Variants in ARHGAP15 observed in about 807,000 individuals in gnomAD.
ARHGAP15 encodes the protein Rho GTPase activating protein 15, also known as rho GTPase-activating protein 15.
In ARHGAP15, 51 loss-of-function variants were observed where a neutral mutation model predicts 63.7. The ratio of observed to expected loss-of-function variants is 0.80; its 90% CI spans 0.64 to 1.01. ARHGAP15 has a LOEUF of 1.01. Among genes scored for constraint, ARHGAP15 ranks in the 50% least tolerant of loss-of-function variants. The probability of loss-of-function intolerance (pLI) is 0.00; values close to 1 mark genes in which losing one functional copy is unlikely to be tolerated. For missense variants in ARHGAP15, 560 were observed against 564.6 expected (o/e 0.99, Z 0.08); for synonymous variants, 191 against 193.8 (o/e 0.99, Z 0.12).
intron 13 of ARHGAP15, among the ~76,000 whole-genome samples, chr2:143,723,744 C>T (rs1055803111): frequency 6.6e-6 from 1 of 152,120 alleles, no homozygotes; most frequent in African/African-American, 2.4e-5. Flanking sequence ...CAGCCTTTTG[C>T]GTAGGAATGA....
intron 11 of ARHGAP15, among the ~76,000 whole-genome samples, chr2:143,573,282 A>G (rs1406438306): frequency 6.6e-6 from 1 of 152,196 alleles, no homozygotes; most frequent in Non-Finnish European, 1.5e-5. Context: ...TTAAAGTTTC[A>G]AGGACTTCTC....
chr2:143,440,098 A>G (rs1399152506), intron 8 of ARHGAP15, among the ~76,000 whole-genome samples: 1 of 151,986 alleles, frequency 6.6e-6, no homozygotes, highest in Non-Finnish European at 1.5e-5. Flanking sequence ...ATATCCATCT[A>G]TTACTTTGAA....
intron 6 of ARHGAP15, among the ~76,000 whole-genome samples, chr2:143,284,477 C>A (rs886451276): frequency 6.6e-6 from 1 of 152,108 alleles, no homozygotes. Context: ...CAATTTGTGA[C>A]CACTACGAAA....
intron 13 of ARHGAP15, among the ~76,000 whole-genome samples, chr2:143,738,926 T>A (rs1026142888): frequency 6.6e-6 from 1 of 152,120 alleles, no homozygotes; most frequent in Non-Finnish European, 1.5e-5. Context: ...GTGTCCTCAA[T>A]TGGGAGAAAA....
At chr2:143,700,438 C>T (rs1461918460) in intron 12 of ARHGAP15, among the ~76,000 whole-genome samples, 2 of 152,162 alleles carry the variant, frequency 1.3e-5, no homozygotes, top group African/African-American at 2.4e-5. Context: ...GCTGCTACTT[C>T]TGTAGCCCTC....
rs541235073 is a variant in ARHGAP15, at chr2:143,598,290, T to A, written c.1004-25843T>A. On this transcript the variant is annotated intron_variant, in intron 11 of 13. Coordinates refer to ENST00000295095, the MANE Select transcript of ARHGAP15 (RefSeq NM_018460.4). ...ATTTGTGTGGTGTAAAATAAAAGTCTAGATACGGATCAAATCTTGGTCAAA... is the reference window on the plus strand; with the variant it reads ...ATTTGTGTGGTGTAAAATAAAAGTCAAGATACGGATCAAATCTTGGTCAAA... 3.9e-5 allele frequency among the ~76,000 whole-genome samples: 6 copies of A among 152,284 alleles called. No homozygotes were observed. The South Asian group carries it at 1.2e-3, about 32-fold the overall frequency.
chr2:143,671,045 A>G (rs1682496886), intron 12 of ARHGAP15, among the ~76,000 whole-genome samples: 1 of 152,202 alleles, frequency 6.6e-6, no homozygotes, highest in Non-Finnish European at 1.5e-5. Context: ...AAATCTGCTA[A>G]TGGCATACCA....
rs572850943 is a variant in ARHGAP15, at chr2:143,735,506, C to T, written c.1244+31982C>T. 2.0e-5 allele frequency among the ~76,000 whole-genome samples: 3 copies of T among 152,296 alleles called. No individual in the cohort carries two copies. The East Asian group carries it at 5.8e-4, about 29-fold the overall frequency. On this transcript the variant is annotated intron_variant, in intron 13 of 13. Transcript: ENST00000295095. ...CCAGAATTGTATCGTATCAGCTTAG[C>T]GTACTCAGGGGCAAGTAAGCTTCTC...
chr2:143,748,366 T>C (rs1329534619), intron 13 of ARHGAP15, among the ~76,000 whole-genome samples: 1 of 152,160 alleles, frequency 6.6e-6, no homozygotes, highest in Non-Finnish European at 1.5e-5. Flanking sequence ...TGATGTCAAA[T>C]AACATTGATA....
chr2:143,557,610 G>A (rs1379264973), intron 11 of ARHGAP15, among the ~76,000 whole-genome samples: 1 of 152,042 alleles, frequency 6.6e-6, no homozygotes, highest in Non-Finnish European at 1.5e-5. Context: ...GAATCCTCAT[G>A]TAAATTATAA....
chr2:143,450,047 C>T (rs79207745), intron 8 of ARHGAP15, among the ~76,000 whole-genome samples: 2 of 137,040 alleles, frequency 1.5e-5, no homozygotes, highest in South Asian at 2.3e-4. Flanking sequence ...AATAATTAAT[C>T]TTTTTTTTTT....
rs143164811 is a variant in ARHGAP15, at chr2:143,493,771, G to A, written c.826+6276G>A. Among the ~76,000 whole-genome samples the A allele has an allele frequency of 4.7e-3, 710 of 152,108 alleles. 2 individuals are homozygous for A. Among genetic ancestry groups the A allele is most frequent in the Middle Eastern group, 0.017 (5 of 294 alleles). On this transcript the variant is annotated intron_variant, in intron 9 of 13. Coordinates refer to ENST00000295095, the MANE Select transcript of ARHGAP15 (RefSeq NM_018460.4). Reference sequence around the variant, plus strand: ...CCTCTGTGTTGGATCCACTGTCTTCGGCATCCCATGCCTTCCCTTCTATTA... The same window carrying A: ...CCTCTGTGTTGGATCCACTGTCTTCAGCATCCCATGCCTTCCCTTCTATTA...
intron 11 of ARHGAP15, chr2:143,607,922 T>G (rs1199495158): frequency 6.6e-6 from 1 of 152,186 alleles, no homozygotes; most frequent in Non-Finnish European, 1.5e-5. Context: ...GCTTAGTGAC[T>G]CTGGGGTTAG....
chr2:143,618,884 G>C (rs1160360564), intron 11 of ARHGAP15, among the ~76,000 whole-genome samples: 1 of 151,972 alleles, frequency 6.6e-6, no homozygotes, highest in African/African-American at 2.4e-5. Context: ...GAGGCGGATG[G>C]GGTGCAGTGG....
At chr2:143,319,576 T>C (rs1422332320) in intron 6 of ARHGAP15, among the ~76,000 whole-genome samples, 1 of 152,126 alleles carries the variant, frequency 6.6e-6, no homozygotes, top group Non-Finnish European at 1.5e-5. Context: ...CATAATATGT[T>C]CCCATATTCT....
intron 6 of ARHGAP15, among the ~76,000 whole-genome samples, chr2:143,409,102 A>T (rs1397213120): frequency 6.6e-6 from 1 of 151,998 alleles, no homozygotes; most frequent in African/African-American, 2.4e-5. Flanking sequence ...AATAAATTGA[A>T]AATATATTAC....
chr2:143,512,171 C>T (rs886352724), intron 9 of ARHGAP15, among the ~76,000 whole-genome samples: 5 of 152,178 alleles, frequency 3.3e-5, no homozygotes, highest in African/African-American at 1.2e-4. Flanking sequence ...TTCCACTCTT[C>T]CAGAGGTGGC....
intron 8 of ARHGAP15, chr2:143,472,029 A>G (rs1691601279): frequency 6.6e-6 from 1 of 152,146 alleles, no homozygotes; most frequent in Non-Finnish European, 1.5e-5. Flanking sequence ...TCTGCAATTA[A>G]TCAAGTGTTG....
chr2:143,669,855 G>C (rs1682427087), intron 12 of ARHGAP15, among the ~76,000 whole-genome samples: 2 of 152,170 alleles, frequency 1.3e-5, no homozygotes, highest in Admixed American at 6.5e-5. Context: ...TATGGAGGGA[G>C]CCAGGATATA....
Sources: allele counts gnomAD v4.1 joint callset (sites outside exome capture counted in the v4.1 genomes callset), GRCh38; gene constraint gnomAD v4.1.1; transcripts MANE v1.5; gene names NCBI Gene and HGNC (gene_info 2026-07-23, HGNC 2026-07-21).